Variants in RMST observed in about 807,000 individuals in gnomAD.
RMST encodes long intergenic non-protein coding RNA 54.
chr12:97,509,763 T>C (rs772132239), intron 10 of RMST, among the ~76,000 whole-genome samples: 4 of 152,230 alleles, frequency 2.6e-5, no homozygotes, highest in Non-Finnish European at 4.4e-5. Flanking sequence ...TCTGTTTTCC[T>C]GGTGCAAATG....
chr12:97,558,078 C>A (rs550840656), intron 11 of RMST, among the ~76,000 whole-genome samples: 175 of 152,052 alleles, frequency 1.2e-3, no homozygotes, highest in Non-Finnish European at 1.5e-3. Flanking sequence ...CTCCTTTCTA[C>A]CCTCTTCCTT....
intron 10 of RMST, among the ~76,000 whole-genome samples, chr12:97,500,095 C>T (rs1423901868): frequency 6.6e-6 from 1 of 152,150 alleles, no homozygotes; most frequent in African/African-American, 2.4e-5. Flanking sequence ...TTCCCCATTA[C>T]CTGAAAGAAC....
intron 5 of RMST, among the ~76,000 whole-genome samples, chr12:97,473,008 A>G (rs988037734): frequency 5.3e-5 from 8 of 152,162 alleles, no homozygotes; most frequent in Non-Finnish European, 1.2e-4. Context: ...TTGGAGAGAA[A>G]AGAAAACCTT....
chr12:97,482,286 C>T (rs1479196857), intron 5 of RMST, among the ~76,000 whole-genome samples: 1 of 152,110 alleles, frequency 6.6e-6, no homozygotes, highest in Non-Finnish European at 1.5e-5. Context: ...GAATACTCTT[C>T]TCTTCTGTGG....
At chr12:97,512,837 GC>G (rs1421040815) in intron 10 of RMST, among the ~76,000 whole-genome samples, 2 of 152,224 alleles carry the variant, frequency 1.3e-5, no homozygotes, top group African/African-American at 2.4e-5. Flanking sequence ...GGAGCAGGGG[GC>G]GGCGTGTCGG....
intron 11 of RMST, among the ~76,000 whole-genome samples, chr12:97,535,526 T>C (rs560543424): frequency 1.1e-4 from 17 of 151,712 alleles, no homozygotes; most frequent in African/African-American, 3.6e-4. Context: ...CTATGAGCCA[T>C]GTTGTATAAA....
At chr12:97,544,659 T>C (rs1882803101) in intron 11 of RMST, among the ~76,000 whole-genome samples, 1 of 152,112 alleles carries the variant, frequency 6.6e-6, no homozygotes, top group South Asian at 2.1e-4. Context: ...TTTCCTATTG[T>C]CCTGCCACAC....
At chr12:97,499,184 A>T (rs1313669391) in intron 10 of RMST, among the ~76,000 whole-genome samples, 1 of 152,116 alleles carries the variant, frequency 6.6e-6, no homozygotes, top group African/African-American at 2.4e-5. Flanking sequence ...TATACCTTAA[A>T]CACAAACTGT....
At chr12:97,530,646 T>C (rs1881543891) in intron 10 of RMST, 1 of 152,076 alleles carries the variant, frequency 6.6e-6, no homozygotes, top group Non-Finnish European at 1.5e-5. Flanking sequence ...TGTCTGGCTT[T>C]CCTTGCAGTG....
At chr12:97,559,618 T>C in intron 11 of RMST, among the ~76,000 whole-genome samples, 1 of 152,210 alleles carries the variant, frequency 6.6e-6, no homozygotes. Context: ...GTCCAGTTTC[T>C]AGACTGCCTT....
intron 11 of RMST, among the ~76,000 whole-genome samples, chr12:97,548,019 A>G (rs1249306187): frequency 1.3e-5 from 2 of 152,052 alleles, no homozygotes; most frequent in African/African-American, 4.8e-5. Flanking sequence ...TAGTAGTTCT[A>G]CATTTTCTGT....
chr12:97,505,339 T>C (rs1278785897), intron 10 of RMST, among the ~76,000 whole-genome samples: 1 of 152,214 alleles, frequency 6.6e-6, no homozygotes, highest in Non-Finnish European at 1.5e-5. Context: ...GCTTGAAAAG[T>C]ATTTGGGTTT....
intron 5 of RMST, among the ~76,000 whole-genome samples, chr12:97,479,383 C>T (rs1303045501): frequency 6.6e-6 from 1 of 151,972 alleles, no homozygotes; most frequent in Non-Finnish European, 1.5e-5. Flanking sequence ...CAACTCCTGG[C>T]CTCGAGTTAT....
At chr12:97,493,028 A>G (rs544114569) in intron 6 of RMST, 21 of 152,436 alleles carry the variant, frequency 1.4e-4, no homozygotes, top group Admixed American at 3.9e-4. Flanking sequence ...ATCACCTTTA[A>G]ACAGTAGTAA....
chr12:97,563,944 G>A (rs370202744), intron 13 of RMST: 52 of 478,270 alleles, frequency 1.1e-4, no homozygotes, highest in African/African-American at 8.7e-4. Flanking sequence ...TATAGAGAAC[G>A]TTAGCCTGTG....
intron 5 of RMST, chr12:97,491,912 G>A (rs1310416875): frequency 1.9e-6 from 1 of 532,734 alleles, no homozygotes; most frequent in African/African-American, 1.9e-5. Flanking sequence ...CAGCTATGTG[G>A]ACTCTAGCTG....
At chr12:97,492,027 C>T (rs1274844864) in intron 5 of RMST, 2 of 517,590 alleles carry the variant, frequency 3.9e-6, no homozygotes, top group African/African-American at 3.9e-5. Flanking sequence ...TTGGATTGAT[C>T]TAATTCCTTA....
chr12:97,539,214 G>T (rs1266267836), intron 11 of RMST, among the ~76,000 whole-genome samples: 1 of 151,530 alleles, frequency 6.6e-6, no homozygotes, highest in Non-Finnish European at 1.5e-5. Context: ...TCACTTAAAA[G>T]CATTAGGCCT....
At chr12:97,512,827 G>C (rs1879525011) in intron 10 of RMST, among the ~76,000 whole-genome samples, 1 of 152,250 alleles carries the variant, frequency 6.6e-6, no homozygotes, top group Admixed American at 6.5e-5. Context: ...TGGGCGCAGT[G>C]GAGCAGGGGG....
Sources: allele counts gnomAD v4.1 joint callset (sites outside exome capture counted in the v4.1 genomes callset), GRCh38; gene constraint gnomAD v4.1.1; transcripts MANE v1.5; gene names NCBI Gene and HGNC (gene_info 2026-07-23, HGNC 2026-07-21).